The following DAB1 variants were observed in gnomAD, a reference collection of about 807,000 sequenced individuals.
The protein encoded by DAB1 is disabled homolog 1.
DAB1 carries 15 observed loss-of-function variants against 64.6 expected under a neutral mutation model. That is an observed-to-expected ratio of 0.23 (90% confidence interval 0.16 to 0.36). The LOEUF is 0.36. Ranked by LOEUF, DAB1 falls within the 10% of genes least tolerant of loss-of-function variation. The pLI is 1.00. For missense variants in DAB1, 596 were observed against 706.7 expected (o/e 0.84, Z 1.78); for synonymous variants, 235 against 251.9 (o/e 0.93, Z 0.64).
At chr1:57,695,273 G>GGAGAGAGAGAGAAAGAAAGA (rs1557427566) in intron 6 of DAB1, among the ~76,000 whole-genome samples, 1 of 76,428 alleles carries the variant, frequency 1.3e-5, no homozygotes, top group African/African-American at 5.2e-5. Flanking sequence ...AGGAAGGAAG[G>GGAGAGAGAGAGAAAGAAAGA]AAGGAAGGAA....
intron 3 of DAB1, among the ~76,000 whole-genome samples, chr1:58,421,034 T>C (rs1391001292): frequency 6.6e-6 from 1 of 152,178 alleles, no homozygotes; most frequent in Non-Finnish European, 1.5e-5. Context: ...GCCAAGATGT[T>C]AACTCTTATT....
At chr1:57,634,331 C>T (rs941286571) in intron 7 of DAB1, among the ~76,000 whole-genome samples, 1 of 152,206 alleles carries the variant, frequency 6.6e-6, no homozygotes, top group African/African-American at 2.4e-5. Flanking sequence ...CTGATCTGGG[C>T]TGTCACTTAA....
intron 1 of DAB1, chr1:58,538,945 G>A (rs17117720): frequency 0.022 from 19,201 of 872,834 alleles, 563 homozygotes; most frequent in East Asian, 0.12. Context: ...TGACAGACTA[G>A]GGACTGCTGT....
chr1:57,466,662 G>A (rs1168920528), intron 7 of DAB1, among the ~76,000 whole-genome samples: 1 of 152,226 alleles, frequency 6.6e-6, no homozygotes, highest in Non-Finnish European at 1.5e-5. Flanking sequence ...AAGTCAAGAT[G>A]TTGACGGGGC....
chr1:57,015,098 A>G lies in DAB1; in HGVS notation c.1229T>C (p.Met410Thr), dbSNP rs202095010. The G allele has an allele frequency of 1.5e-5, 25 of 1,613,894 alleles. No individual in the cohort carries two copies. In the East Asian group the frequency reaches 5.4e-4, roughly 35 times the overall value. ...GAAATCCTTAAACGTTTCTTTGCCC[A>G]TTTTCTGCCTGGGCTTGTCGGTCTG... is the stretch of plus-strand genomic sequence containing the variant. ...SPQTDKPRQKMGKETFKDFQM... is the reference protein window; with the variant it reads ...SPQTDKPRQKTGKETFKDFQM... Residue 410 changes from methionine (M) to threonine (T), a missense_variant, in exon 12 of 15, where the codon ATG becomes ACG. Met to Thr is a moderately conservative substitution (Grantham distance 81). Transcript: ENST00000371236.
At chr1:57,419,741 T>C (rs940151523) in intron 1 of DAB1, among the ~76,000 whole-genome samples, 4 of 152,260 alleles carry the variant, frequency 2.6e-5, no homozygotes, top group African/African-American at 9.6e-5. Flanking sequence ...AGGTAAGTAC[T>C]GTTATTTCAT....
intron 7 of DAB1, among the ~76,000 whole-genome samples, chr1:57,585,180 C>T (rs1244509601): frequency 1.6e-5 from 2 of 124,144 alleles, no homozygotes; most frequent in African/African-American, 3.0e-5. Flanking sequence ...ACCTGGGAGG[C>T]GGAGGGTGCA....
intron 5 of DAB1, among the ~76,000 whole-genome samples, chr1:57,944,920 CCTT>C (rs754404831): frequency 4.3e-4 from 66 of 152,256 alleles, no homozygotes; most frequent in Non-Finnish European, 2.6e-4. Flanking sequence ...TAAGCACACA[CCTT>C]CTTTTTCTCT....
chr1:57,703,511 C>T (rs980840991), intron 6 of DAB1, among the ~76,000 whole-genome samples: 1 of 151,936 alleles, frequency 6.6e-6, no homozygotes, highest in Admixed American at 6.6e-5. Context: ...GTCAGAATGG[C>T]TATTATTAAA....
intron 3 of DAB1, among the ~76,000 whole-genome samples, chr1:58,366,999 T>C (rs1644223523): frequency 6.6e-6 from 1 of 152,236 alleles, no homozygotes; most frequent in African/African-American, 2.4e-5. Flanking sequence ...TGTTATTTCA[T>C]ATTTTAATAA....
chr1:58,394,081 A>G (rs1033757290), intron 3 of DAB1, among the ~76,000 whole-genome samples: 4 of 152,226 alleles, frequency 2.6e-5, no homozygotes, highest in African/African-American at 9.6e-5. Flanking sequence ...CCTGATAAAA[A>G]TGGACAAAAA....
At chr1:58,344,565 T>C (rs1397645024) in intron 3 of DAB1, among the ~76,000 whole-genome samples, 5 of 152,176 alleles carry the variant, frequency 3.3e-5, no homozygotes, top group Admixed American at 3.3e-4. Context: ...CAGTCTTCTC[T>C]TCTACAAAAT....
chr1:56,998,486 G>A (rs942284196), intron 14 of DAB1, among the ~76,000 whole-genome samples: 1 of 152,132 alleles, frequency 6.6e-6, no homozygotes, highest in Non-Finnish European at 1.5e-5. Context: ...TTTATCCTAC[G>A]GGGTTCTTGA....
Position 57,348,572 on chromosome 1 carries a change from A to T in DAB1, c.-136-57406T>A, listed in dbSNP as rs1029963552. ...CAGATGAAATAACTGAGGCACAGTTATGTATACATCATCTGTTCAGTAACT... is the reference window on the plus strand; with the variant it reads ...CAGATGAAATAACTGAGGCACAGTTTTGTATACATCATCTGTTCAGTAACT... On this transcript the variant is annotated intron_variant, in intron 1 of 14. Coordinates refer to ENST00000371236, the MANE Select transcript of DAB1 (RefSeq NM_001365792.1). 3.3e-5 allele frequency among the ~76,000 whole-genome samples: 5 copies of T among 152,172 alleles called. No individual in the cohort carries two copies. In the South Asian group the frequency reaches 1.0e-3, roughly 32 times the overall value.
At chr1:57,167,974 C>T (rs1455913930) in intron 2 of DAB1, among the ~76,000 whole-genome samples, 1 of 152,194 alleles carries the variant, frequency 6.6e-6, no homozygotes, top group Admixed American at 6.5e-5. Flanking sequence ...GCTAGAAACA[C>T]TGGAGAGACT....
chr1:57,630,351 T>C (rs1451563748), intron 7 of DAB1, among the ~76,000 whole-genome samples: 2 of 152,104 alleles, frequency 1.3e-5, no homozygotes, highest in East Asian at 1.9e-4. Context: ...AAAAAAGAAA[T>C]GTTATAACTT....
At position 56,997,092 on chromosome 1, in the gene DAB1, G is replaced by T. The variant is rs1363959408; in HGVS notation, c.*1052C>A. ...TATGCCACCATTGTTCCATTAGAAA[G>T]TTGGTTTTTAAGATCCAAAACCACA... On this transcript the variant is annotated 3_prime_UTR_variant, in exon 15 of 15. Transcript: ENST00000371236. 2 of 152,060 alleles carry T rather than the reference G, an allele frequency of 1.3e-5. No individual in the cohort carries two copies. The highest frequency in any genetic ancestry group is 4.8e-5 in the African/African-American group (2 of 41,392). The allele number at this position is 152,060 out of a possible 1,614,324, so 9.4% of individuals were successfully genotyped here. A position where few individuals can be genotyped will look rare whatever the true frequency, so the allele number is the denominator to read the frequency against.
At chr1:57,868,221 T>C (rs1384611272) in intron 1 of DAB1, among the ~76,000 whole-genome samples, 1 of 152,194 alleles carries the variant, frequency 6.6e-6, no homozygotes, top group Non-Finnish European at 1.5e-5. Context: ...CCATCTGACA[T>C]TTCCTTTTGG....
At chr1:57,556,718 C>G (rs1371484809) in intron 7 of DAB1, among the ~76,000 whole-genome samples, 1 of 152,146 alleles carries the variant, frequency 6.6e-6, no homozygotes, top group African/African-American at 2.4e-5. Context: ...GATTTTCTCC[C>G]ACTCTGTGGG....
Sources: allele counts gnomAD v4.1 joint callset (sites outside exome capture counted in the v4.1 genomes callset), GRCh38; gene constraint gnomAD v4.1.1; transcripts MANE v1.5; gene names NCBI Gene and HGNC (gene_info 2026-07-23, HGNC 2026-07-21).